The following CDYL variants were observed in gnomAD, a reference collection of about 807,000 sequenced individuals.
CDYL encodes chromodomain Y like.
In CDYL, 8 loss-of-function variants were observed where a neutral mutation model predicts 47.3. The observed-to-expected ratio is 0.17, with a 90% CI of 0.10 to 0.31. CDYL has a LOEUF of 0.31. CDYL is among the 10% of genes least tolerant of loss of function. CDYL has a pLI of 1.00. For missense variants in CDYL, 471 were observed against 701.4 expected (o/e 0.67, Z 3.71); for synonymous variants, 266 against 265.0 (o/e 1.00, Z -0.04).
chr6:4,744,714 C>T (rs558299436), intron 3 of CDYL, among the ~76,000 whole-genome samples: 1 of 152,258 alleles, frequency 6.6e-6, no homozygotes, highest in Non-Finnish European at 1.5e-5. Context: ...GATAAGGAAA[C>T]TACGGCTTAA....
intron 2 of CDYL, among the ~76,000 whole-genome samples, chr6:4,931,401 T>G (rs1758029960): frequency 6.6e-6 from 1 of 152,104 alleles, no homozygotes; most frequent in Non-Finnish European, 1.5e-5. Context: ...GATGCTGAAA[T>G]TTGAGCTGCC....
At chr6:4,831,691 T>C (rs1238090038) in intron 1 of CDYL, among the ~76,000 whole-genome samples, 1 of 152,222 alleles carries the variant, frequency 6.6e-6, no homozygotes, top group Non-Finnish European at 1.5e-5. Flanking sequence ...TTTCACGATA[T>C]TGATTCTTCC....
At chr6:4,817,311 T>C (rs1210215678) in intron 1 of CDYL, among the ~76,000 whole-genome samples, 1 of 151,664 alleles carries the variant, frequency 6.6e-6, no homozygotes, top group Non-Finnish European at 1.5e-5. Context: ...TTACAAGTAA[T>C]ACTGTGACCT....
At chr6:4,903,267 G>A (rs12192124) in intron 2 of CDYL, among the ~76,000 whole-genome samples, 4,889 of 152,250 alleles carry the variant, frequency 0.032, 110 homozygotes, top group South Asian at 0.048. Context: ...ACGTGCACAT[G>A]TCCTTTTAAG....
intron 2 of CDYL, among the ~76,000 whole-genome samples, chr6:4,922,642 T>C (rs1757750564): frequency 1.3e-5 from 2 of 152,194 alleles, no homozygotes; most frequent in Non-Finnish European, 2.9e-5. Flanking sequence ...GCCGCCTGCT[T>C]CCCCTTTTAT....
chr6:4,717,446 A>C (rs1757285635), intron 2 of CDYL, among the ~76,000 whole-genome samples: 2 of 152,016 alleles, frequency 1.3e-5, no homozygotes, highest in South Asian at 4.2e-4. Flanking sequence ...ACGGTGGCTA[A>C]AGGCCTTTGG....
chr6:4,723,946 G>A (rs1382185096), intron 2 of CDYL, among the ~76,000 whole-genome samples: 1 of 152,210 alleles, frequency 6.6e-6, no homozygotes, highest in African/African-American at 2.4e-5. Context: ...TAGAATGAAT[G>A]AGCCCTGGGG....
chr6:4,722,356 C>T (rs538461576), intron 2 of CDYL, among the ~76,000 whole-genome samples: 21 of 151,480 alleles, frequency 1.4e-4, no homozygotes, highest in African/African-American at 3.6e-4. Flanking sequence ...GTAAAGAGTT[C>T]GAGACCAGCC....
chr6:4,814,404 A>G (rs1377050551), intron 1 of CDYL, among the ~76,000 whole-genome samples: 1 of 152,222 alleles, frequency 6.6e-6, no homozygotes. Flanking sequence ...CATGGAGCAT[A>G]TGCAGAGTCA....
At chr6:4,848,332 A>C (rs1203743300) in intron 1 of CDYL, among the ~76,000 whole-genome samples, 1 of 152,190 alleles carries the variant, frequency 6.6e-6, no homozygotes, top group Non-Finnish European at 1.5e-5. Flanking sequence ...TCCAGTGGCA[A>C]ACTTTTATAG....
intron 1 of CDYL, among the ~76,000 whole-genome samples, chr6:4,863,520 A>G (rs1355416006): frequency 6.6e-6 from 1 of 152,214 alleles, no homozygotes; most frequent in Non-Finnish European, 1.5e-5. Context: ...ACAGCTAACT[A>G]GGTATTGTTT....
chr6:4,724,912 A>C (rs1473955320), intron 2 of CDYL: 4 of 152,152 alleles, frequency 2.6e-5, no homozygotes, highest in African/African-American at 9.7e-5. Context: ...GCCTGCTTTT[A>C]TTCTCTTACC....
At chr6:4,935,792 G>A in intron 3 of CDYL, 21 bp downstream of exon 3, 1 of 1,611,532 alleles carries the variant, frequency 6.2e-7, no homozygotes, top group Non-Finnish European at 8.5e-7. Flanking sequence ...CTCTTGGGCT[G>A]GCGTGGGCTT....
At chr6:4,779,024 A>G (rs1758542458) in intron 1 of CDYL, among the ~76,000 whole-genome samples, 1 of 152,218 alleles carries the variant, frequency 6.6e-6, no homozygotes, top group South Asian at 2.1e-4. Flanking sequence ...TAAAATTCCC[A>G]TGGCAAGCAC....
At chr6:4,869,631 T>C (rs1761418205) in intron 1 of CDYL, among the ~76,000 whole-genome samples, 1 of 152,224 alleles carries the variant, frequency 6.6e-6, no homozygotes, top group Non-Finnish European at 1.5e-5. Context: ...TATTGATTGC[T>C]GTAGGGATTA....
intron 2 of CDYL, among the ~76,000 whole-genome samples, chr6:4,716,204 G>A (rs574322661): frequency 3.3e-5 from 5 of 150,480 alleles, no homozygotes; most frequent in East Asian, 1.9e-4. Flanking sequence ...GCCCGAGATC[G>A]CGCCACTGTA....
At chr6:4,939,450 T>C (rs921727075) in intron 4 of CDYL, among the ~76,000 whole-genome samples, 5 of 152,228 alleles carry the variant, frequency 3.3e-5, no homozygotes, top group African/African-American at 1.2e-4. Context: ...ACATATTTAA[T>C]CATTTTCAGA....
At chr6:4,912,492 G>A (rs886464714) in intron 2 of CDYL, among the ~76,000 whole-genome samples, 11 of 152,268 alleles carry the variant, frequency 7.2e-5, no homozygotes, top group African/African-American at 7.2e-5. Flanking sequence ...GCGGAACGCC[G>A]TAGGGCTTTG....
At chr6:4,852,069 G>A (rs1402158951) in intron 1 of CDYL, among the ~76,000 whole-genome samples, 1 of 152,036 alleles carries the variant, frequency 6.6e-6, no homozygotes, top group African/African-American at 2.4e-5. Context: ...CTTCCCCTTT[G>A]CTCTTAGCAG....
Sources: allele counts gnomAD v4.1 joint callset (sites outside exome capture counted in the v4.1 genomes callset), GRCh38; gene constraint gnomAD v4.1.1; transcripts MANE v1.5; gene names NCBI Gene and HGNC (gene_info 2026-07-23, HGNC 2026-07-21).